TTC21B: variants seen among roughly 807,000 people sequenced by gnomAD.
TTC21B encodes the protein tetratricopeptide repeat domain 21B, also known as tetratricopeptide repeat protein 21B.
In TTC21B, 127 loss-of-function variants were observed where a neutral mutation model predicts 175.1. The observed-to-expected ratio is 0.73, with a 90% CI of 0.63 to 0.84. The LOEUF is 0.84. TTC21B is among the 40% of genes least tolerant of loss of function. The pLI, the probability that TTC21B is intolerant of heterozygous loss-of-function variation, is 0.00. For synonymous variants in TTC21B, 524 were observed against 524.5 expected (o/e 1.00, Z 0.01); for missense variants, 1,561 against 1,558.3 (o/e 1.00, Z -0.03).
intron 6 of TTC21B, among the ~76,000 whole-genome samples, chr2:165,939,470 T>C (rs1426402063): frequency 6.6e-6 from 1 of 152,196 alleles, no homozygotes; most frequent in African/African-American, 2.4e-5. Context: ...AAGGTATATT[T>C]GTATTACCTA....
chr2:165,931,786 T>C lies in TTC21B; in HGVS notation c.866A>G (p.Tyr289Cys), dbSNP rs1372232699. The part of the protein sequence containing the change: ...AMEPQNAQLF[Y>C]NITLAFSRTC... Reference sequence around the variant, plus strand: ...TCTGCTGAAGGCGAGTGTAATGTTATAGAAAAGTTGAGCATTCTGTGGTTC... The same window carrying C: ...TCTGCTGAAGGCGAGTGTAATGTTACAGAAAAGTTGAGCATTCTGTGGTTC... The change falls in exon 8 of 29, where the codon TAT becomes TGT. Residue 289 changes from tyrosine (Y) to cysteine (C), a missense_variant. Physicochemically the swap from Tyr to Cys is radical, Grantham distance 194. Transcript: ENST00000243344. 1.9e-5 allele frequency: 31 copies of C among 1,613,500 alleles called. No homozygotes were observed. Among genetic ancestry groups the C allele is most frequent in the African/African-American group, 6.7e-5 (5 of 74,912 alleles).
At position 165,888,125 on chromosome 2, in the gene TTC21B, A is replaced by C. The variant is rs16851239; in HGVS notation, c.3459+154T>G. 0.018 allele frequency among the ~76,000 whole-genome samples: 2,747 copies of C among 152,346 alleles called. 117 individuals carry two copies. Among genetic ancestry groups the C allele is most frequent in the Admixed American group, 0.099 (1,515 of 15,306 alleles). ...AGTAACATCGTCTCTTCCGCCAAGA[A>C]GGGGACATTGTGTATGCCCAACTAT... On this transcript the variant is annotated intron_variant, in intron 25 of 28. Transcript: ENST00000243344.
chr2:165,914,114 T>C (rs567041619), intron 15 of TTC21B, among the ~76,000 whole-genome samples: 3 of 152,288 alleles, frequency 2.0e-5, no homozygotes, highest in South Asian at 4.1e-4. Context: ...GTTGCTTACA[T>C]TTGACCTGAA....
chr2:165,874,516 G>C lies in TTC21B; in HGVS notation c.*239C>G, dbSNP rs941940910. ...AAATAATTATAGTCTTTACCACAGA[G>C]TCACCAAATCTGTACCCAATCAAAA... is the stretch of plus-strand genomic sequence containing the variant. On this transcript the variant is annotated 3_prime_UTR_variant, in exon 29 of 29. Transcript: ENST00000243344. The C allele has an allele frequency of 1.3e-5, 6 of 444,448 alleles. No homozygotes were observed. The highest frequency in any genetic ancestry group is 2.1e-5 in the Non-Finnish European group (5 of 243,550). The allele number at this position is 444,448 out of a possible 1,614,324, so 27.5% of individuals were successfully genotyped here. A position where few individuals can be genotyped will look rare whatever the true frequency, so the allele number is the denominator to read the frequency against.
intron 13 of TTC21B, among the ~76,000 whole-genome samples, chr2:165,918,274 T>C (rs1307231085): frequency 6.6e-6 from 1 of 152,082 alleles, no homozygotes; most frequent in Non-Finnish European, 1.5e-5. Context: ...AAAACCACTA[T>C]CATAAGAAGC....
intron 3 of TTC21B, among the ~76,000 whole-genome samples, chr2:165,946,169 C>CAAAA (rs3032577): frequency 8.6e-6 from 1 of 116,608 alleles, no homozygotes; most frequent in African/African-American, 3.6e-5. Flanking sequence ...ACTAAAGATA[C>CAAAA]AAAAAAAAAA....
intron 6 of TTC21B, chr2:165,934,054 G>A (rs867346325): frequency 3.3e-5 from 5 of 152,150 alleles, no homozygotes; most frequent in Non-Finnish European, 7.3e-5. Flanking sequence ...GAGATCAGCA[G>A]ACCCTCGATG....
intron 19 of TTC21B, among the ~76,000 whole-genome samples, chr2:165,906,955 C>CAAAAAAAAAAAA (rs1160627145): frequency 1.0e-4 from 6 of 60,260 alleles, no homozygotes; most frequent in East Asian, 5.3e-4. Context: ...AACTCCGTCT[C>CAAAAAAAAAAAA]AAAAAAAAAA....
intron 22 of TTC21B, among the ~76,000 whole-genome samples, chr2:165,897,125 A>G (rs1424743706): frequency 6.6e-6 from 1 of 152,212 alleles, no homozygotes; most frequent in Non-Finnish European, 1.5e-5. Flanking sequence ...GTCCCTACAC[A>G]GTGTACTTTT....
intron 12 of TTC21B, among the ~76,000 whole-genome samples, chr2:165,921,862 G>A (rs765756868): frequency 1.2e-4 from 18 of 150,632 alleles, no homozygotes; most frequent in Non-Finnish European, 2.5e-4. Flanking sequence ...TGGGGAACAG[G>A]CGGTGTTTGG....
intron 3 of TTC21B, 83 bp from the exon 4 acceptor site, chr2:165,945,773 A>T: frequency 1.4e-6 from 2 of 1,406,178 alleles, no homozygotes; most frequent in Non-Finnish European, 2.0e-6. Flanking sequence ...CAAGGCAAAA[A>T]ATTTACTTCT....
chr2:165,904,044 G>C (rs192256342), intron 19 of TTC21B, among the ~76,000 whole-genome samples: 31 of 152,262 alleles, frequency 2.0e-4, no homozygotes, highest in African/African-American at 7.2e-4. Flanking sequence ...GCCATGGCAT[G>C]CTGTTTTTTG....
At position 165,890,893 on chromosome 2, in the gene TTC21B, T is replaced by G. The variant is rs1215308103; in HGVS notation, c.3046A>C (p.Asn1016His). 1 of 1,613,414 alleles carries G rather than the reference T, an allele frequency of 6.2e-7. No individual in the cohort carries two copies. Among genetic ancestry groups the G allele is most frequent in the Non-Finnish European group, 8.5e-7 (1 of 1,179,630 alleles). The stretch of plus-strand genomic sequence containing the variant: ...CCTGGTTCCAATTTTGCTCTGGAGT[T>G]ACGTTTCTCAGCCATTGAGAAAAAT... Reference protein sequence around the residue: ...PRFFSMAEKRNSRAKLEPGFQ... With the variant: ...PRFFSMAEKRHSRAKLEPGFQ... The change falls in exon 23 of 29, where the codon AAC becomes CAC. Residue 1016 changes from asparagine to histidine, a missense_variant. Asn to His is a moderately conservative substitution (Grantham distance 68). Transcript: ENST00000243344.
chr2:165,907,821 A>T (rs773633928), intron 18 of TTC21B, 37 bp from the exon 19 acceptor site: 1 of 1,368,398 alleles, frequency 7.3e-7, no homozygotes, highest in East Asian at 2.3e-5. Flanking sequence ...AAAATTATTC[A>T]TCTTAAATAA....
At position 165,909,431 on chromosome 2, in the gene TTC21B, A is replaced by T. The variant is rs1685854395; in HGVS notation, c.2462-1647T>A. Among the ~76,000 whole-genome samples, 5 of 152,254 alleles carry T rather than the reference A, an allele frequency of 3.3e-5. No homozygotes were observed. The South Asian group carries it at 8.3e-4, about 25-fold the overall frequency. On this transcript the variant is annotated intron_variant, in intron 18 of 28. Coordinates refer to ENST00000243344, the MANE Select transcript of TTC21B (RefSeq NM_024753.5). Reference sequence around the variant, plus strand: ...CTACTTGATCAAAGATACAATAAACAAATCTGATGAAGAAAAGACAGCCCG... The same window carrying T: ...CTACTTGATCAAAGATACAATAAACTAATCTGATGAAGAAAAGACAGCCCG...
At position 165,945,625 on chromosome 2, in the gene TTC21B, C is replaced by A; in HGVS notation, c.328G>T (p.Ala110Ser). The change falls in exon 4 of 29, where the codon GCC becomes TCC. Residue 110 changes from alanine to serine, a missense_variant. Ala to Ser is a moderately conservative substitution (Grantham distance 99). Transcript: ENST00000243344. ...AAAAATAAGCCTGCATGGTATAAGG[C>A]TTTCTCTCCAGCTCCTTTACGTTGT... ...KEQRKGAGEK[A>S]LYHAGLFLWH... 6.2e-7 allele frequency: 1 copy of A among 1,613,772 alleles called. No homozygotes were observed. Among genetic ancestry groups the A allele is most frequent in the African/African-American group, 1.3e-5 (1 of 75,012 alleles).
At chr2:165,928,975 A>G (rs1219562862) in intron 11 of TTC21B, 160 bp downstream of exon 11, 1 of 673,418 alleles carries the variant, frequency 1.5e-6, no homozygotes, top group Non-Finnish European at 2.7e-6. Context: ...AGCAGTCATT[A>G]CTAAAAACAG....
In TTC21B at chr2:165,929,650, C is replaced by T. The variant is rs747042147; in HGVS notation, c.1185G>A (p.Ala395=). ...CAGCTGATAAAATAAAATACTGTAC[C>T]GCAGATTTTCCAATGGATTGCTGGA... ...NEIQQSIGKS[A]ELIYLHAVLA... is the part of the protein sequence containing the mutation. Residue 395 remains alanine, a splice_region_variant and synonymous_variant, in exon 10 of 29, where the codon GCG becomes GCA. Transcript: ENST00000243344. The T allele has an allele frequency of 2.4e-5, 38 of 1,603,824 alleles. No homozygotes were observed. The South Asian group carries it at 3.0e-4, about 13-fold the overall frequency.
chr2:165,946,745 G>A (rs1240991175), intron 3 of TTC21B, among the ~76,000 whole-genome samples: 1 of 151,884 alleles, frequency 6.6e-6, no homozygotes, highest in Non-Finnish European at 1.5e-5. Flanking sequence ...GCTGAGGCAG[G>A]GAGAATTGCT....
Sources: allele counts gnomAD v4.1 joint callset (sites outside exome capture counted in the v4.1 genomes callset), GRCh38; gene constraint gnomAD v4.1.1; transcripts MANE v1.5; gene names NCBI Gene and HGNC (gene_info 2026-07-23, HGNC 2026-07-21).